ADCY8: variants seen among roughly 807,000 people sequenced by gnomAD.
ADCY8 encodes adenylate cyclase type 8.
In ADCY8, 51 loss-of-function variants were observed where a neutral mutation model predicts 119.7. The ratio of observed to expected loss-of-function variants is 0.43; its 90% CI spans 0.34 to 0.54. The LOEUF is 0.54. ADCY8 is among the 20% of genes least tolerant of loss of function. ADCY8 has a pLI of 0.03. For synonymous variants in ADCY8, 665 were observed against 651.0 expected (o/e 1.02, Z -0.33); for missense variants, 1,383 against 1,598.8 (o/e 0.87, Z 2.30).
chr8:130,819,749 C>G (rs1450233705), intron 13 of ADCY8, among the ~76,000 whole-genome samples: 1 of 151,402 alleles, frequency 6.6e-6, no homozygotes, highest in African/African-American at 2.4e-5. Context: ...GAAGACAAGA[C>G]CCCAGTCCTC....
At chr8:130,992,393 A>ATTGAGCAACTGTGCC (rs1563758982) in intron 1 of ADCY8, among the ~76,000 whole-genome samples, 2 of 107,756 alleles carry the variant, frequency 1.9e-5, no homozygotes, top group African/African-American at 4.8e-5. Flanking sequence ...ATATATATAT[A>ATTGAGCAACTGTGCC]TATATATATA....
At chr8:130,787,113 C>A (rs377470420) in intron 15 of ADCY8, among the ~76,000 whole-genome samples, 2 of 152,198 alleles carry the variant, frequency 1.3e-5, no homozygotes, top group African/African-American at 2.4e-5. Context: ...CCCTGGAGGA[C>A]ACACAGATGA....
chr8:130,792,339 A>G (rs1815449556), intron 15 of ADCY8, among the ~76,000 whole-genome samples: 1 of 152,026 alleles, frequency 6.6e-6, no homozygotes, highest in Non-Finnish European at 1.5e-5. Flanking sequence ...TTTCTTTTCC[A>G]TCTAGCTCAT....
At chr8:131,026,882 C>T (rs1563773236) in intron 1 of ADCY8, among the ~76,000 whole-genome samples, 1 of 152,148 alleles carries the variant, frequency 6.6e-6, no homozygotes, top group Non-Finnish European at 1.5e-5. Flanking sequence ...CTTCAACAAC[C>T]TCCTGAGCTA....
intron 2 of ADCY8, among the ~76,000 whole-genome samples, chr8:130,979,217 G>C (rs894064330): frequency 5.9e-5 from 9 of 152,184 alleles, no homozygotes; most frequent in Admixed American, 3.3e-4. Flanking sequence ...GTCTAGTCAG[G>C]ACATATCACT....
At chr8:130,814,478 A>G (rs1213995041) in intron 13 of ADCY8, among the ~76,000 whole-genome samples, 3 of 152,220 alleles carry the variant, frequency 2.0e-5, no homozygotes, top group Non-Finnish European at 4.4e-5. Flanking sequence ...TTGTGTGATT[A>G]CCTGATAATG....
intron 11 of ADCY8, among the ~76,000 whole-genome samples, chr8:130,840,411 T>C (rs536866194): frequency 3.1e-5 from 3 of 98,044 alleles, no homozygotes; most frequent in African/African-American, 5.3e-5. Context: ...GAATATTGAT[T>C]AGGCATTTTT....
In ADCY8 at chr8:130,796,851, T is replaced by C. The variant is rs578105962; in HGVS notation, c.3060+3575A>G. On this transcript the variant is annotated intron_variant, in intron 15 of 17. Coordinates refer to ENST00000286355, the MANE Select transcript of ADCY8 (RefSeq NM_001115.3). Reference sequence around the variant, plus strand: ...CTCTCCCCTCCTCCCCATCTACTTATCCTCCCCCTCCTCTTATTCATACTT... The same window carrying C: ...CTCTCCCCTCCTCCCCATCTACTTACCCTCCCCCTCCTCTTATTCATACTT... Among the ~76,000 whole-genome samples, 3 of 149,700 alleles carry C rather than the reference T, an allele frequency of 2.0e-5. No homozygotes were observed. In the South Asian group the frequency reaches 6.6e-4, roughly 33 times the overall value.
chr8:130,951,293 C>T (rs966353820), intron 3 of ADCY8, among the ~76,000 whole-genome samples: 1 of 152,052 alleles, frequency 6.6e-6, no homozygotes, highest in Non-Finnish European at 1.5e-5. Context: ...TGGAGTTCAC[C>T]CTTTGATTTT....
intron 14 of ADCY8, among the ~76,000 whole-genome samples, chr8:130,802,208 G>T (rs1388701531): frequency 6.6e-6 from 1 of 152,150 alleles, no homozygotes; most frequent in African/African-American, 2.4e-5. Flanking sequence ...GGTGGCACCA[G>T]CATTGCCAAA....
At chr8:130,964,010 G>A (rs1821686496) in intron 2 of ADCY8, among the ~76,000 whole-genome samples, 1 of 152,162 alleles carries the variant, frequency 6.6e-6, no homozygotes, top group Admixed American at 6.5e-5. Context: ...ACATTCCTTT[G>A]ATCATGCTAG....
At chr8:130,960,937 C>T (rs775506760) in intron 2 of ADCY8, among the ~76,000 whole-genome samples, 4 of 152,118 alleles carry the variant, frequency 2.6e-5, no homozygotes, top group Non-Finnish European at 5.9e-5. Flanking sequence ...CTCTTAGTCT[C>T]TATTATGCCA....
chr8:130,888,295 T>C (rs1819064901), intron 7 of ADCY8, among the ~76,000 whole-genome samples: 1 of 151,942 alleles, frequency 6.6e-6, no homozygotes, highest in African/African-American at 2.4e-5. Context: ...AATATATGTA[T>C]ATGTGTATAC....
chr8:130,815,987 C>T (rs1177121355), intron 13 of ADCY8, among the ~76,000 whole-genome samples: 4 of 152,192 alleles, frequency 2.6e-5, no homozygotes, highest in African/African-American at 7.2e-5. Context: ...TGCAGTTCTG[C>T]GTATGTCATT....
intron 9 of ADCY8, among the ~76,000 whole-genome samples, chr8:130,863,023 A>G (rs1817995220): frequency 6.6e-6 from 1 of 152,208 alleles, no homozygotes. Flanking sequence ...TATATCTCTA[A>G]TGATTTCCTG....
At chr8:130,988,656 T>G (rs1822479195) in intron 2 of ADCY8, among the ~76,000 whole-genome samples, 1 of 152,150 alleles carries the variant, frequency 6.6e-6, no homozygotes, top group African/African-American at 2.4e-5. Context: ...AGTTGTCACT[T>G]TCTCTTACCT....
chr8:130,943,331 G>A lies in ADCY8; in HGVS notation c.1353+20C>T. 2 of 1,569,520 alleles carry A rather than the reference G, an allele frequency of 1.3e-6. No individual in the cohort carries two copies. Among genetic ancestry groups the A allele is most frequent in the Non-Finnish European group, 1.8e-6 (2 of 1,139,934 alleles). ...CCCTCACTCCTGCAAAAGACGAGGAGGAAATTAAATTCAACTCACATGGGC... is the reference window on the plus strand; with the variant it reads ...CCCTCACTCCTGCAAAAGACGAGGAAGAAATTAAATTCAACTCACATGGGC... On this transcript the variant is annotated intron_variant, in intron 4 of 17. Coordinates refer to ENST00000286355, the MANE Select transcript of ADCY8 (RefSeq NM_001115.3).
intron 7 of ADCY8, chr8:130,892,492 T>G (rs1483327131): frequency 3.3e-5 from 5 of 152,170 alleles, no homozygotes; most frequent in African/African-American, 1.2e-4. Flanking sequence ...CTTACTCATT[T>G]GCTACTCATT....
chr8:130,945,619 C>T (rs191472188), intron 3 of ADCY8, among the ~76,000 whole-genome samples: 2 of 152,286 alleles, frequency 1.3e-5, no homozygotes. Flanking sequence ...AACGTGTTAG[C>T]TTTTGTTATC....
Sources: allele counts gnomAD v4.1 joint callset (sites outside exome capture counted in the v4.1 genomes callset), GRCh38; gene constraint gnomAD v4.1.1; transcripts MANE v1.5; gene names NCBI Gene and HGNC (gene_info 2026-07-23, HGNC 2026-07-21).